SLC24A2: variants seen among roughly 807,000 people sequenced by gnomAD.
SLC24A2 encodes the protein solute carrier family 24 member 2.
Under a neutral mutation model 62.0 loss-of-function variants are expected in SLC24A2, and 36 were observed. The observed-to-expected ratio is 0.58, with a 90% CI of 0.44 to 0.77. The LOEUF is 0.77. SLC24A2 is among the 30% of genes least tolerant of loss of function. The pLI is 0.00. For missense variants in SLC24A2, 846 were observed against 817.9 expected, an observed-to-expected ratio of 1.03 and a Z score of -0.42; for synonymous variants, 358 against 294.0, an observed-to-expected ratio of 1.22 and a Z score of -2.23.
intron 2 of SLC24A2, among the ~76,000 whole-genome samples, chr9:19,770,909 A>C (rs1165196110): frequency 6.6e-6 from 1 of 152,188 alleles, no homozygotes; most frequent in Non-Finnish European, 1.5e-5. Context: ...GACTTCAATA[A>C]TTTCATTAAG....
At chr9:20,005,036 T>C in the SLC24A2 span, among the ~76,000 whole-genome samples, 3 of 152,212 alleles carry the variant, frequency 2.0e-5, no homozygotes, top group Admixed American at 1.3e-4. Context: ...ATACCTTTGT[T>C]ACTGGTTGTC....
intron 2 of SLC24A2, among the ~76,000 whole-genome samples, chr9:19,716,955 C>T (rs1166779950): frequency 2.0e-5 from 3 of 152,178 alleles, no homozygotes; most frequent in Non-Finnish European, 4.4e-5. Context: ...CTTTACAACA[C>T]ACATTCATTG....
chr9:20,236,915 AG>A, the SLC24A2 span, among the ~76,000 whole-genome samples: 1 of 151,954 alleles, frequency 6.6e-6, no homozygotes, highest in Non-Finnish European at 1.5e-5. Context: ...TTGGTCCTGC[AG>A]GAAATCAGGG....
intron 5 of SLC24A2, among the ~76,000 whole-genome samples, chr9:19,583,847 G>A (rs1836281787): frequency 6.6e-6 from 1 of 152,124 alleles, no homozygotes; most frequent in Non-Finnish European, 1.5e-5. Context: ...TAGGACAGAA[G>A]GTTAGGTGAA....
At chr9:20,283,808 C>T in the SLC24A2 span, among the ~76,000 whole-genome samples, 1 of 151,598 alleles carries the variant, frequency 6.6e-6, no homozygotes, top group Admixed American at 6.6e-5. Context: ...CTCTTTCCCA[C>T]GAAAGGTGTA....
At chr9:19,607,417 C>G (rs1837016068) in intron 4 of SLC24A2, among the ~76,000 whole-genome samples, 1 of 152,032 alleles carries the variant, frequency 6.6e-6, no homozygotes, top group African/African-American at 2.4e-5. Context: ...CAAATGCCAT[C>G]AAAATCATTT....
chr9:19,763,786 G>A (rs1306679789), intron 2 of SLC24A2, among the ~76,000 whole-genome samples: 1 of 152,176 alleles, frequency 6.6e-6, no homozygotes. Flanking sequence ...TTTTTGTTGT[G>A]TCTCTGCCAG....
intron 2 of SLC24A2, among the ~76,000 whole-genome samples, chr9:19,673,444 C>CGTGTGTGTGTGT (rs58616827): frequency 7.7e-6 from 1 of 129,794 alleles, no homozygotes; most frequent in Non-Finnish European, 1.6e-5. Context: ...TGTGTGTGTG[C>CGTGTGTGTGTGT]GTGTGTGTGT....
chr9:19,794,567 CTG>C, the SLC24A2 span, among the ~76,000 whole-genome samples: 1 of 147,472 alleles, frequency 6.8e-6, no homozygotes, highest in South Asian at 2.3e-4. Flanking sequence ...CTGTTTACCT[CTG>C]GAACCTACAA....
the SLC24A2 span, among the ~76,000 whole-genome samples, chr9:20,101,299 G>C: frequency 6.6e-6 from 1 of 152,238 alleles, no homozygotes; most frequent in Non-Finnish European, 1.5e-5. Flanking sequence ...ATTTTGCTGA[G>C]AATTGGACTT....
chr9:19,642,743 C>T (rs1308714456), intron 2 of SLC24A2, among the ~76,000 whole-genome samples: 1 of 122,712 alleles, frequency 8.1e-6, no homozygotes, highest in African/African-American at 3.1e-5. Context: ...TGCAGTGGCA[C>T]TATCTCGGCT....
At chr9:19,921,178 T>C in the SLC24A2 span, among the ~76,000 whole-genome samples, 4 of 151,972 alleles carry the variant, frequency 2.6e-5, no homozygotes, top group Non-Finnish European at 4.4e-5. Context: ...CTTTATTTGA[T>C]AAAATTTCAT....
chr9:20,208,858 T>C, the SLC24A2 span, among the ~76,000 whole-genome samples: 1 of 152,146 alleles, frequency 6.6e-6, no homozygotes, highest in Non-Finnish European at 1.5e-5. Flanking sequence ...TTAACAAAGC[T>C]CTGTAGATTT....
intron 2 of SLC24A2, among the ~76,000 whole-genome samples, chr9:19,750,399 G>A (rs1045660878): frequency 6.6e-6 from 1 of 151,932 alleles, no homozygotes; most frequent in Non-Finnish European, 1.5e-5. Flanking sequence ...CTCAACTACA[G>A]ATAGCATGCG....
At chr9:19,555,632 G>A (rs1437732273) in intron 7 of SLC24A2, among the ~76,000 whole-genome samples, 1 of 152,214 alleles carries the variant, frequency 6.6e-6, no homozygotes, top group Non-Finnish European at 1.5e-5. Flanking sequence ...AGAAATTTTA[G>A]TGTAACTTTA....
chr9:19,582,897 C>A (rs976808184), intron 5 of SLC24A2, among the ~76,000 whole-genome samples: 1 of 152,016 alleles, frequency 6.6e-6, no homozygotes. Flanking sequence ...TCCTTCCACC[C>A]CTTTCCCACT....
At chr9:20,057,470 G>A in the SLC24A2 span, among the ~76,000 whole-genome samples, 5 of 152,148 alleles carry the variant, frequency 3.3e-5, no homozygotes, top group African/African-American at 1.2e-4. Context: ...TTTGTGAGAT[G>A]GCTGGTCAGA....
At chr9:20,013,208 T>C in the SLC24A2 span, among the ~76,000 whole-genome samples, 1 of 149,470 alleles carries the variant, frequency 6.7e-6, no homozygotes, top group Admixed American at 6.7e-5. Context: ...AGCAGGCACA[T>C]CTACCAATGA....
the SLC24A2 span, among the ~76,000 whole-genome samples, chr9:19,978,315 G>A: frequency 6.6e-6 from 1 of 152,098 alleles, no homozygotes; most frequent in East Asian, 1.9e-4. Context: ...AGTTCCTCAA[G>A]AAGAGAGCCT....
Sources: gnomAD v4.1 joint callset for allele counts (sites outside exome capture counted in the v4.1 genomes callset) on GRCh38, gnomAD v4.1.1 for gene constraint, MANE v1.5 for transcripts, NCBI Gene and HGNC (gene_info 2026-07-23, HGNC 2026-07-21) for gene names.